ASTN2: variants seen among roughly 807,000 people sequenced by gnomAD.
ASTN2 encodes astrotactin 2.
Under a neutral mutation model 139.8 loss-of-function variants are expected in ASTN2, and 54 were observed. The ratio of observed to expected loss-of-function variants is 0.39; its 90% confidence interval spans 0.31 to 0.48. The LOEUF is 0.48. Ranked by LOEUF, ASTN2 falls within the 20% of genes least tolerant of loss-of-function variation. ASTN2 has a pLI of 0.95. For missense variants in ASTN2, 1,565 were observed against 1,725.1 expected, an observed-to-expected ratio of 0.91 and a Z score of 1.64; for synonymous variants, 756 against 719.5, an observed-to-expected ratio of 1.05 and a Z score of -0.81.
intron 11 of ASTN2, among the ~76,000 whole-genome samples, chr9:116,835,599 G>T (rs1831960311): frequency 6.6e-6 from 1 of 152,106 alleles, no homozygotes; most frequent in South Asian, 2.1e-4. Flanking sequence ...TATCCCTATA[G>T]TCTGGAACCA....
intron 19 of ASTN2, among the ~76,000 whole-genome samples, chr9:116,561,624 T>C (rs1191026597): frequency 6.6e-6 from 1 of 151,756 alleles, no homozygotes; most frequent in Non-Finnish European, 1.5e-5. Flanking sequence ...AAAACAAGAG[T>C]CTCCTTGTCA....
At chr9:117,203,625 T>G (rs1399667398) in intron 3 of ASTN2, among the ~76,000 whole-genome samples, 3 of 152,076 alleles carry the variant, frequency 2.0e-5, no homozygotes, top group African/African-American at 7.2e-5. Context: ...GTAGAGCTGC[T>G]GCAGTTTGCT....
intron 19 of ASTN2, among the ~76,000 whole-genome samples, chr9:116,493,318 C>T (rs532435100): frequency 1.3e-5 from 2 of 152,278 alleles, no homozygotes; most frequent in South Asian, 2.1e-4. Context: ...CGCCCAAGTT[C>T]GTCCAAGTCT....
At chr9:117,093,421 A>G (rs113750945) in intron 5 of ASTN2, among the ~76,000 whole-genome samples, 2,253 of 152,292 alleles carry the variant, frequency 0.015, 64 homozygotes, top group African/African-American at 0.051. Flanking sequence ...GTTAAGTTCC[A>G]TGATTAATAT....
chr9:116,652,312 C>T (rs959809771), intron 16 of ASTN2, among the ~76,000 whole-genome samples: 17 of 151,544 alleles, frequency 1.1e-4, no homozygotes, highest in African/African-American at 3.6e-4. Flanking sequence ...GGCAAGAGAG[C>T]GAGATTCCAT....
At chr9:117,296,593 C>CA (rs1257464989) in intron 1 of ASTN2, among the ~76,000 whole-genome samples, 1 of 152,124 alleles carries the variant, frequency 6.6e-6, no homozygotes, top group Non-Finnish European at 1.5e-5. Flanking sequence ...AAAGTTTAAG[C>CA]AAAAGGGGGA....
chr9:116,942,492 C>T (rs1401968982), intron 10 of ASTN2, among the ~76,000 whole-genome samples: 1 of 152,134 alleles, frequency 6.6e-6, no homozygotes, highest in African/African-American at 2.4e-5. Context: ...AGGATATGGT[C>T]CCTGCCCTGC....
chr9:116,511,825 T>C (rs773600510), intron 19 of ASTN2, among the ~76,000 whole-genome samples: 56 of 152,230 alleles, frequency 3.7e-4, no homozygotes, highest in Non-Finnish European at 7.1e-4. Flanking sequence ...CGGTAGTATG[T>C]ATCTCTGTGG....
intron 4 of ASTN2, among the ~76,000 whole-genome samples, chr9:117,110,022 AT>A (rs1564430040): frequency 6.6e-6 from 1 of 152,174 alleles, no homozygotes; most frequent in African/African-American, 2.4e-5. Context: ...TCACGTTGGA[AT>A]CTGCTGCCAT....
At chr9:116,722,457 G>C (rs1828499466) in intron 16 of ASTN2, among the ~76,000 whole-genome samples, 1 of 152,182 alleles carries the variant, frequency 6.6e-6, no homozygotes, top group Non-Finnish European at 1.5e-5. Context: ...GGTTTCCCCA[G>C]ATCATAAAAG....
intron 3 of ASTN2, among the ~76,000 whole-genome samples, chr9:117,199,144 C>T (rs1167868563): frequency 6.6e-6 from 1 of 152,106 alleles, no homozygotes; most frequent in African/African-American, 2.4e-5. Flanking sequence ...AATTAGATAC[C>T]ATTTGTCAAT....
chr9:116,618,417 C>T lies in ASTN2; in HGVS notation c.3262G>A (p.Val1088Met). 1 of 1,614,174 alleles carries T rather than the reference C, an allele frequency of 6.2e-7. No individual in the cohort carries two copies. Among genetic ancestry groups the T allele is most frequent in the Middle Eastern group, 1.6e-4 (1 of 6,062 alleles). The part of the protein sequence containing the change: ...PSSTVVSLEW[V>M]DVQPAIGTKV... ...GTCCCAATAGCTGGCTGAACATCCA[C>T]CCACTCCAAGGAGACCACAGTACTG... Residue 1088 changes from valine (V) to methionine (M), a missense_variant, in exon 19 of 23, where the codon GTG becomes ATG. Transcript: ENST00000313400.
chr9:116,631,687 T>C (rs1181003314), intron 17 of ASTN2, among the ~76,000 whole-genome samples: 2 of 152,200 alleles, frequency 1.3e-5, no homozygotes, highest in African/African-American at 2.4e-5. Flanking sequence ...AACAATAATG[T>C]ATTGTATTCA....
intron 11 of ASTN2, among the ~76,000 whole-genome samples, chr9:116,863,075 T>C (rs1032667766): frequency 6.6e-6 from 1 of 151,936 alleles, no homozygotes; most frequent in African/African-American, 2.4e-5. Flanking sequence ...TGCTTGGCTG[T>C]CTCCGCTCTT....
chr9:116,632,160 G>GAGAGAGAGAGAC (rs1856788049), intron 17 of ASTN2, among the ~76,000 whole-genome samples: 3 of 31,492 alleles, frequency 9.5e-5, no homozygotes, highest in East Asian at 3.6e-3. Context: ...GAGAGAGACA[G>GAGAGAGAGAGAC]AGAGAGAGAG....
intron 3 of ASTN2, among the ~76,000 whole-genome samples, chr9:117,205,521 A>G (rs1012570199): frequency 1.1e-4 from 17 of 152,110 alleles, no homozygotes; most frequent in African/African-American, 4.1e-4. Context: ...CAAAATCTAT[A>G]CTCTCATCTA....
chr9:116,853,676 C>A (rs2132325930), intron 11 of ASTN2, among the ~76,000 whole-genome samples: 1 of 152,302 alleles, frequency 6.6e-6, no homozygotes, highest in South Asian at 2.1e-4. Context: ...ATACCCTAGC[C>A]CGCCCTTGGG....
intron 12 of ASTN2, among the ~76,000 whole-genome samples, chr9:116,810,241 G>A (rs192792956): frequency 3.3e-5 from 5 of 152,274 alleles, no homozygotes; most frequent in African/African-American, 1.2e-4. Flanking sequence ...AACATTTGGT[G>A]AAGTTTTTGA....
chr9:116,769,404 C>T (rs1829897974), intron 13 of ASTN2, among the ~76,000 whole-genome samples: 2 of 151,976 alleles, frequency 1.3e-5, no homozygotes, highest in South Asian at 4.2e-4. Flanking sequence ...GAAGTGGAGA[C>T]CATTTGCATA....
Sources: gnomAD v4.1 joint callset for allele counts (sites outside exome capture counted in the v4.1 genomes callset) on GRCh38, gnomAD v4.1.1 for gene constraint, MANE v1.5 for transcripts, NCBI Gene and HGNC (gene_info 2026-07-23, HGNC 2026-07-21) for gene names.